TGFB3: variants seen among roughly 807,000 people sequenced by gnomAD.
TGFB3 encodes the protein transforming growth factor beta-3 proprotein.
TGFB3 carries 5 observed loss-of-function variants against 40.1 expected under a neutral mutation model. The ratio of observed to expected loss-of-function variants is 0.12; its 90% CI spans 0.07 to 0.26. The LOEUF is 0.26. Among genes scored for constraint, TGFB3 ranks in the 10% least tolerant of loss-of-function variants. The probability of loss-of-function intolerance (pLI) is 1.00; values close to 1 mark genes in which losing one functional copy is unlikely to be tolerated. For missense variants in TGFB3, 373 were observed against 530.1 expected (o/e 0.70, Z 2.91); for synonymous variants, 184 against 205.6 (o/e 0.89, Z 0.90).
rs911359334 is a variant in TGFB3 at position 75,976,641 on chromosome 14, T to G, written c.352+3901A>C. On this transcript the variant is annotated intron_variant, in intron 1 of 6. Transcript: ENST00000238682. ...AGAACTAATCAAGCTGGACCCACAGTCCTCAATGCAAAACCCAGCAAGAAC... is the reference window on the plus strand; with the variant it reads ...AGAACTAATCAAGCTGGACCCACAGGCCTCAATGCAAAACCCAGCAAGAAC... Among the ~76,000 whole-genome samples, 3 of 152,140 alleles carry G rather than the reference T, an allele frequency of 2.0e-5. No individual in the cohort carries two copies. In the South Asian group the frequency reaches 6.2e-4, roughly 32 times the overall value.
In TGFB3 at chr14:75,980,636, C is replaced by T. The variant is rs761683627; in HGVS notation, c.258G>A (p.Glu86=). 1 of 1,614,252 alleles carries T rather than the reference C, an allele frequency of 6.2e-7. No homozygotes were observed. The highest frequency in any genetic ancestry group is 1.7e-5 in the Admixed American group (1 of 60,028). Residue 86 remains glutamate, a synonymous_variant, in exon 1 of 7, where the codon GAG becomes GAA. Transcript: ENST00000238682. This position sits in a 1 kb window ranked among gnomAD's most constrained non-coding sequence, Gnocchi z 4.3. ...TRELLEEMHG[E]REEGCTQENT... ...TTTCCTGGGTGCAGCCTTCCTCCCT[C>T]TCCCCATGCATCTCCTCCAGCAGCT... is the stretch of plus-strand genomic sequence containing the variant.
rs760903557 is a variant in TGFB3 at position 75,961,063 on chromosome 14, TCTC to T, written c.937_939del (p.Glu313del). On this transcript the variant is annotated inframe_deletion, in exon 6 of 7. Transcript: ENST00000238682. The stretch of plus-strand genomic sequence containing the variant: ...ATGTAGAGGGGGCGCACACAGCAGT[TCTC>T]CTCCAAGTTGCTACAACAAAAAACA... The T allele has an allele frequency of 5.0e-6, 8 of 1,614,006 alleles. No homozygotes were observed. The highest frequency in any genetic ancestry group is 3.3e-5 in the South Asian group (3 of 91,078).
In TGFB3 at chr14:75,980,197, TAC is replaced by T. The variant is rs1171417120; in HGVS notation, c.352+343_352+344del. On this transcript the variant is annotated intron_variant, in intron 1 of 6. Transcript: ENST00000238682. The surrounding 1 kb of genome is among the most constrained non-coding windows in gnomAD (Gnocchi z 4.3). ...TTCCCCTTTATGGCACCCAGATGCT[TAC>T]AGTTACTGATACGATCGCATGTGCA... is the stretch of plus-strand genomic sequence containing the variant. 6.6e-6 allele frequency among the ~76,000 whole-genome samples: 1 copy of T among 152,154 alleles called. No individual in the cohort carries two copies. The highest frequency in any genetic ancestry group is 2.4e-5 in the African/African-American group (1 of 41,446).
intron 6 of TGFB3, chr14:75,960,289 C>A (rs1384796314): frequency 1.3e-5 from 2 of 154,832 alleles, no homozygotes; most frequent in African/African-American, 4.8e-5. Flanking sequence ...CTAGCTGGAA[C>A]TGATCACTTC....
At position 75,977,753 on chromosome 14, in the gene TGFB3, T is replaced by A. The variant is rs145357439; in HGVS notation, c.352+2789A>T. Among the ~76,000 whole-genome samples, 275 of 151,400 alleles carry A rather than the reference T, an allele frequency of 1.8e-3. 2 individuals carry two copies. The highest frequency in any genetic ancestry group is 6.3e-3 in the African/African-American group (260 of 41,294). ...GGTTACTAAGATAATAACTCTGACC[T>A]CTCCTGCTTGGTCCAACACATGATT... On this transcript the variant is annotated intron_variant, in intron 1 of 6. Transcript: ENST00000238682.
chr14:75,982,121 A>T (rs1318682309), upstream of TGFB3, among the ~76,000 whole-genome samples: 3 of 152,224 alleles, frequency 2.0e-5, no homozygotes, highest in African/African-American at 7.2e-5. The surrounding 1 kb of genome is among the most constrained non-coding windows in gnomAD (Gnocchi z 4.0). Flanking sequence ...TTAAACAGGC[A>T]CAGGAAAAGC....
intron 1 of TGFB3, among the ~76,000 whole-genome samples, chr14:75,977,026 T>TG (rs778538670): frequency 7.2e-5 from 11 of 152,240 alleles, no homozygotes; most frequent in Non-Finnish European, 4.4e-5. Flanking sequence ...CAGCTTCCTC[T>TG]GGACCACACT....
intron 1 of TGFB3, among the ~76,000 whole-genome samples, chr14:75,972,691 G>A (rs1277646624): frequency 6.6e-6 from 1 of 152,190 alleles, no homozygotes; most frequent in Non-Finnish European, 1.5e-5. Flanking sequence ...CAGCAGGTGG[G>A]AGCCAGGTGA....
At position 75,978,251 on chromosome 14, in the gene TGFB3, G is replaced by A. The variant is rs140882691; in HGVS notation, c.352+2291C>T. The stretch of plus-strand genomic sequence containing the variant: ...CCTGCTGTGCCCCACCACAGACCTG[G>A]TGTCACCCCTGTCTGCCCTCATGAG... On this transcript the variant is annotated intron_variant, in intron 1 of 6. Transcript: ENST00000238682. This position sits in a 1 kb window ranked among gnomAD's most constrained non-coding sequence, Gnocchi z 5.0. Among the ~76,000 whole-genome samples the A allele has an allele frequency of 2.6e-5, 4 of 151,950 alleles. No individual in the cohort carries two copies. In the East Asian group the frequency reaches 7.7e-4, roughly 29 times the overall value.
Position 75,958,886 on chromosome 14 carries a change from T to G in TGFB3, c.*301A>C. On this transcript the variant is annotated 3_prime_UTR_variant, in exon 7 of 7. Transcript: ENST00000238682. ...GCCCAAATCCCATTGCCACACAACA[T>G]CTCAACTTACCATCCCTTTCCTCTA... The G allele has an allele frequency of 2.5e-6, 1 of 400,786 alleles. No individual in the cohort carries two copies. The highest frequency in any genetic ancestry group is 4.8e-6 in the Non-Finnish European group (1 of 210,516). The allele number at this position is 400,786 out of a possible 1,614,324, so 24.8% of individuals were successfully genotyped here.
Position 75,971,260 on chromosome 14 carries a change from A to G in TGFB3, c.517-5T>C. 2 of 1,614,162 alleles carry G rather than the reference A, an allele frequency of 1.2e-6. No individual in the cohort carries two copies. Among genetic ancestry groups the G allele is most frequent in the Admixed American group, 1.7e-5 (1 of 60,032 alleles). Reference sequence around the variant, plus strand: ...GTGCTCATCTGGCCGAAGGATCTACAGGGCAGAGAAAGGAGTGAGTACCCG... The same window carrying G: ...GTGCTCATCTGGCCGAAGGATCTACGGGGCAGAGAAAGGAGTGAGTACCCG... On this transcript the variant is annotated splice_region_variant and splice_polypyrimidine_tract_variant and intron_variant, in intron 2 of 6. Transcript: ENST00000238682. The surrounding 1 kb of genome is among the most constrained non-coding windows in gnomAD (Gnocchi z 4.5).
rs771299825 is a variant in TGFB3 at position 75,958,978 on chromosome 14, C to T, written c.*209G>A. 6.3e-6 allele frequency: 4 copies of T among 636,128 alleles called. No homozygotes were observed. Among genetic ancestry groups the T allele is most frequent in the African/African-American group, 1.8e-5 (1 of 55,454 alleles). 39.4% of individuals were successfully genotyped at this position (636,128 alleles called of 1,614,324 possible). A position where few individuals can be genotyped will look rare whatever the true frequency, so the allele number is the denominator to read the frequency against. On this transcript the variant is annotated 3_prime_UTR_variant, in exon 7 of 7. Coordinates refer to ENST00000238682, the MANE Select transcript of TGFB3 (RefSeq NM_003239.5). ...CTGAAGAGTTCAGCCTTCCTCTAAC[C>T]AAACCCACACTTTCTTTACCACCGT...
At chr14:75,977,765 T>G (rs2035372302) in intron 1 of TGFB3, among the ~76,000 whole-genome samples, 1 of 151,746 alleles carries the variant, frequency 6.6e-6, no homozygotes. Context: ...TCCTGCTTGG[T>G]CCAACACATG....
Position 75,971,504 on chromosome 14 carries a change from A to T in TGFB3, c.516+51T>A. On this transcript the variant is annotated intron_variant, in intron 2 of 6. Transcript: ENST00000238682. The surrounding 1 kb of genome is among the most constrained non-coding windows in gnomAD (Gnocchi z 4.5). ...CACCCAGTGGTGCCCTGATATGGCA[A>T]AGGAACCAGCTTTCCCGTCGGTGTG... The T allele has an allele frequency of 2.5e-6, 4 of 1,610,540 alleles. No individual in the cohort carries two copies. Among genetic ancestry groups the T allele is most frequent in the Non-Finnish European group, 3.4e-6 (4 of 1,178,650 alleles).
At chr14:75,965,771 T>TGGTG in intron 3 of TGFB3, 76 bp from the exon 4 acceptor site, 1 of 1,220,148 alleles carries the variant, frequency 8.2e-7, no homozygotes, top group Non-Finnish European at 1.2e-6. Flanking sequence ...CATGCAAGGG[T>TGGTG]GAGCCAGGGC....
intron 3 of TGFB3, among the ~76,000 whole-genome samples, chr14:75,968,934 G>T (rs187673149): frequency 6.6e-6 from 1 of 152,310 alleles, no homozygotes; most frequent in African/African-American, 2.4e-5. Context: ...AACAGGAACT[G>T]CCAGCCTCAC....
Position 75,971,223 on chromosome 14 carries a change from C to T in TGFB3, c.549G>A (p.Gln183=). 6.2e-7 allele frequency: 1 copy of T among 1,614,206 alleles called. No individual in the cohort carries two copies. Among genetic ancestry groups the T allele is most frequent in the African/African-American group, 1.3e-5 (1 of 75,058 alleles). The change falls in exon 3 of 7, where the codon CAG becomes CAA. Residue 183 remains glutamine (Q), a synonymous_variant. Transcript: ENST00000238682. This position sits in a 1 kb window ranked among gnomAD's most constrained non-coding sequence, Gnocchi z 4.5. ...ILRPDEHIAK[Q]RYIGGKNLPT... ...GCAGATTCTTGCCACCGATATAGCG[C>T]TGTTTGGCAATGTGCTCATCTGGCC...
chr14:75,963,214 T>A, intron 5 of TGFB3, 102 bp downstream of exon 5: 1 of 1,315,882 alleles, frequency 7.6e-7, no homozygotes, highest in Non-Finnish European at 1.1e-6. Flanking sequence ...GTGAATAGCA[T>A]CAGGGACCCT....
rs768066260 is a variant in TGFB3 at position 75,980,869 on chromosome 14, G to A, written c.25C>T (p.Leu9=). Residue 9 remains leucine (L), a synonymous_variant, in exon 1 of 7, where the codon CTG becomes TTG. Coordinates refer to ENST00000238682, the MANE Select transcript of TGFB3 (RefSeq NM_003239.5). The surrounding 1 kb of genome is among the most constrained non-coding windows in gnomAD (Gnocchi z 4.3). ...AAGTTCAGCAGGGCCAGGACCACCA[G>A]AGCCCTTTGCAAGTGCATCTTCATG... The part of the protein sequence containing the change: MKMHLQRA[L]VVLALLNFAT... The A allele has an allele frequency of 1.9e-6, 3 of 1,614,182 alleles. No individual in the cohort carries two copies. The highest frequency in any genetic ancestry group is 1.3e-5 in the African/African-American group (1 of 75,052).
Sources: allele counts gnomAD v4.1 joint callset (sites outside exome capture counted in the v4.1 genomes callset), GRCh38; gene constraint gnomAD v4.1.1; non-coding constraint Gnocchi (gnomAD v3.1); transcripts MANE v1.5; gene names NCBI Gene and HGNC (gene_info 2026-07-23, HGNC 2026-07-21).